Variants in AGMO observed in about 807,000 individuals in gnomAD.
The protein encoded by AGMO is alkylglycerol monooxygenase, also known as glyceryl-ether monooxygenase.
Under a neutral mutation model 60.2 loss-of-function variants are expected in AGMO, and 75 were observed. That is an observed-to-expected ratio of 1.25 (90% CI 1.03 to 1.51). The LOEUF (loss-of-function observed/expected upper bound fraction) is 1.51. Among genes scored for constraint, AGMO ranks in the 40% most tolerant of loss-of-function variants. AGMO has a pLI of 0.00. For missense variants in AGMO, 763 were observed against 525.5 expected (o/e 1.45, Z -4.42); for synonymous variants, 261 against 177.1 (o/e 1.47, Z -3.76).
In AGMO at chr7:15,560,156, A is replaced by ATG; in HGVS notation, c.241_242insCA (p.Leu81ProfsTer15). 1.2e-6 allele frequency: 2 copies of ATG among 1,610,944 alleles called. No homozygotes were observed. Among genetic ancestry groups the ATG allele is most frequent in the Non-Finnish European group, 1.7e-6 (2 of 1,177,840 alleles). On this transcript the variant is annotated frameshift_variant, in exon 2 of 13. Transcript: ENST00000342526. LOFTEE classifies it high-confidence loss of function. ...TCTAACTCACCTTGGAAGTCGAGAC[A>ATG]GAACACCAGCTGAGATTGACGTTAA... is the stretch of plus-strand genomic sequence containing the variant.
intron 2 of AGMO, among the ~76,000 whole-genome samples, chr7:15,554,613 G>A (rs1785073144): frequency 6.6e-6 from 1 of 151,936 alleles, no homozygotes. Flanking sequence ...TTTTCTGTGT[G>A]TTTTACCTAA....
At chr7:15,216,543 G>C (rs1228929704) in intron 12 of AGMO, among the ~76,000 whole-genome samples, 9 of 151,904 alleles carry the variant, frequency 5.9e-5, no homozygotes, top group Admixed American at 5.3e-4. Flanking sequence ...AATTCTATAG[G>C]CATCATTCAT....
At chr7:15,525,230 A>G (rs1391647752) in intron 3 of AGMO, among the ~76,000 whole-genome samples, 2 of 152,176 alleles carry the variant, frequency 1.3e-5, no homozygotes, top group Non-Finnish European at 2.9e-5. Context: ...CTAGGCAGAT[A>G]GGGGTGGGCC....
intron 12 of AGMO, among the ~76,000 whole-genome samples, chr7:15,312,918 C>G (rs1381762867): frequency 6.6e-6 from 1 of 152,114 alleles, no homozygotes; most frequent in Non-Finnish European, 1.5e-5. Flanking sequence ...GTCCACCCAC[C>G]TCGGCCTCCC....
At position 15,474,735 on chromosome 7, in the gene AGMO, G is replaced by C. The variant is rs184657869; in HGVS notation, c.410-43627C>G. 9.7e-3 allele frequency among the ~76,000 whole-genome samples: 1,469 copies of C among 152,128 alleles called. 24 individuals carry two copies. The highest frequency in any genetic ancestry group is 0.035 in the African/African-American group (1,435 of 41,496). On this transcript the variant is annotated intron_variant, in intron 3 of 12. Coordinates refer to ENST00000342526, the MANE Select transcript of AGMO (RefSeq NM_001004320.2). Reference sequence around the variant, plus strand: ...ACTAAAGAGCTTCTGCACAGCAAAAGAAACTGTCATCAGAGTGAACAGACA... The same window carrying C: ...ACTAAAGAGCTTCTGCACAGCAAAACAAACTGTCATCAGAGTGAACAGACA...
chr7:15,515,712 A>G (rs565078817), intron 3 of AGMO, among the ~76,000 whole-genome samples: 188 of 152,362 alleles, frequency 1.2e-3, no homozygotes, highest in Admixed American at 5.1e-3. Flanking sequence ...TATTCATAAT[A>G]GTTTCTAGGA....
chr7:15,246,350 G>T (rs532553053), intron 12 of AGMO, among the ~76,000 whole-genome samples: 2 of 152,246 alleles, frequency 1.3e-5, no homozygotes, highest in South Asian at 4.1e-4. Context: ...GTCTCCAAAA[G>T]ATGTTTTATA....
the AGMO span, among the ~76,000 whole-genome samples, chr7:15,126,758 T>A: frequency 1.3e-5 from 2 of 152,014 alleles, no homozygotes; most frequent in East Asian, 3.9e-4. Flanking sequence ...CTGTCCCTTG[T>A]GGGAAAAATC....
At chr7:15,349,765 A>G (rs987039474) in intron 12 of AGMO, among the ~76,000 whole-genome samples, 1 of 152,282 alleles carries the variant, frequency 6.6e-6, no homozygotes, top group Middle Eastern at 3.4e-3. Context: ...ACAGGGTGAC[A>G]GAAGAAAAGA....
intron 4 of AGMO, among the ~76,000 whole-genome samples, chr7:15,427,199 A>AT (rs949442369): frequency 5.3e-5 from 8 of 152,136 alleles, no homozygotes; most frequent in African/African-American, 1.9e-4. Context: ...TCATTCTAAT[A>AT]TTTTTTCTAT....
intron 3 of AGMO, among the ~76,000 whole-genome samples, chr7:15,521,901 T>A (rs1410144222): frequency 6.6e-6 from 1 of 152,080 alleles, no homozygotes; most frequent in Non-Finnish European, 1.5e-5. Context: ...AGAGAGGAAG[T>A]CAAATTACCT....
chr7:15,506,472 G>A (rs758871536), intron 3 of AGMO, among the ~76,000 whole-genome samples: 9 of 151,812 alleles, frequency 5.9e-5, no homozygotes, highest in Non-Finnish European at 1.2e-4. Context: ...TCCATACATC[G>A]GCATTATTCC....
rs534349526 is a variant in AGMO at position 15,364,940 on chromosome 7, T to C, written c.1263+574A>G. The stretch of plus-strand genomic sequence containing the variant: ...AATGCACTAGTGATGAGAAAATAAA[T>C]GTCTTTAACAGCTGCCTAGATTCTA... On this transcript the variant is annotated intron_variant, in intron 12 of 12. Coordinates refer to ENST00000342526, the MANE Select transcript of AGMO (RefSeq NM_001004320.2). 7.9e-5 allele frequency among the ~76,000 whole-genome samples: 12 copies of C among 152,128 alleles called. No individual in the cohort carries two copies. In the South Asian group the frequency reaches 1.2e-3, roughly 16 times the overall value.
intron 12 of AGMO, among the ~76,000 whole-genome samples, chr7:15,228,173 A>G (rs1256428756): frequency 6.6e-6 from 1 of 152,158 alleles, no homozygotes; most frequent in Non-Finnish European, 1.5e-5. Flanking sequence ...AGGAAATTAA[A>G]GTCTACACTT....
intron 3 of AGMO, among the ~76,000 whole-genome samples, chr7:15,491,697 T>A (rs1783071516): frequency 6.6e-6 from 1 of 152,170 alleles, no homozygotes; most frequent in African/African-American, 2.4e-5. Flanking sequence ...ATTCACCAGT[T>A]CATGCAAAAT....
chr7:15,486,890 T>C (rs948856988), intron 3 of AGMO, among the ~76,000 whole-genome samples: 2 of 152,170 alleles, frequency 1.3e-5, no homozygotes, highest in African/African-American at 4.8e-5. Context: ...CAAAAAAATA[T>C]GCAACTGAGA....
At chr7:15,393,266 G>C (rs1207139288) in intron 6 of AGMO, among the ~76,000 whole-genome samples, 2 of 152,140 alleles carry the variant, frequency 1.3e-5, no homozygotes, top group Admixed American at 1.3e-4. Context: ...GGAAAGGCAG[G>C]GCTTCAGGGA....
rs750384516 is a variant in AGMO at position 15,418,660 on chromosome 7, G to GA, written c.514-8dup. On this transcript the variant is annotated splice_region_variant and splice_polypyrimidine_tract_variant and intron_variant, in intron 4 of 12. Coordinates refer to ENST00000342526, the MANE Select transcript of AGMO (RefSeq NM_001004320.2). Reference sequence around the variant, plus strand: ...CCAGGGGAGAGTAGAAAATCTGAAAGAAAAAATTAAAAAAAAATTAATTTG... The same window carrying GA: ...CCAGGGGAGAGTAGAAAATCTGAAAGAAAAAAATTAAAAAAAAATTAATTTG... 2.2e-5 allele frequency: 34 copies of GA among 1,516,162 alleles called. No homozygotes were observed. The highest frequency in any genetic ancestry group is 1.2e-4 in the East Asian group (5 of 41,816). The allele number at this position is 1,516,162 out of a possible 1,614,324, so 93.9% of individuals were successfully genotyped here.
the AGMO span, among the ~76,000 whole-genome samples, chr7:15,132,963 G>A: frequency 3.3e-5 from 5 of 152,048 alleles, no homozygotes; most frequent in South Asian, 4.1e-4. Context: ...TGCAAGAGGG[G>A]AGCACGGTTA....
Sources: allele counts gnomAD v4.1 joint callset (sites outside exome capture counted in the v4.1 genomes callset), GRCh38; gene constraint gnomAD v4.1.1; transcripts MANE v1.5; gene names NCBI Gene and HGNC (gene_info 2026-07-23, HGNC 2026-07-21).